Variants in KCTD1 observed in about 807,000 individuals in gnomAD.
KCTD1 encodes the protein BTB/POZ domain-containing protein KCTD1.
In KCTD1, 24 loss-of-function variants were observed where a neutral mutation model predicts 66.0. That is an observed-to-expected ratio of 0.36 (90% CI 0.26 to 0.51). The LOEUF is 0.51. KCTD1 is among the 20% of genes least tolerant of loss of function. The probability of loss-of-function intolerance (pLI) is 0.95; values close to 1 mark genes in which losing one functional copy is unlikely to be tolerated. For synonymous variants in KCTD1, 511 were observed against 517.2 expected (o/e 0.99, Z 0.16); for missense variants, 943 against 1,205.2 (o/e 0.78, Z 3.22).
rs1267251680 is a variant in KCTD1, at chr18:26,547,829, G to A, written c.708C>T (p.Asn236=). 5.2e-6 allele frequency: 8 copies of A among 1,540,966 alleles called. No individual in the cohort carries two copies. The highest frequency in any genetic ancestry group is 2.4e-5 in the East Asian group (1 of 40,898). ...SSLISIRSSL[N]RYLNEPPYCR... ...AGTACGGGGGCTCATTGAGGTAGCGGTTGAGGGAGCTGCGGATGCTGATGA... is the reference window on the plus strand; with the variant it reads ...AGTACGGGGGCTCATTGAGGTAGCGATTGAGGGAGCTGCGGATGCTGATGA... Residue 236 remains asparagine, a synonymous_variant, in exon 1 of 5, where the codon AAC becomes AAT. Coordinates refer to ENST00000580059, the MANE Select transcript of KCTD1 (RefSeq NM_001142730.3).
intron 1 of KCTD1, among the ~76,000 whole-genome samples, chr18:26,625,287 G>A (rs766335317): frequency 6.6e-5 from 10 of 152,082 alleles, no homozygotes; most frequent in Admixed American, 3.9e-4. Context: ...TGGCAGGGGC[G>A]GGGGAGGAAC....
intron 2 of KCTD1, among the ~76,000 whole-genome samples, chr18:26,491,779 C>T (rs561617466): frequency 6.6e-6 from 1 of 152,312 alleles, no homozygotes; most frequent in African/African-American, 2.4e-5. Context: ...AAGGTGAAGG[C>T]TGCCTTGAGA....
intron 1 of KCTD1, among the ~76,000 whole-genome samples, chr18:26,607,980 A>C (rs904182150): frequency 6.6e-6 from 1 of 152,166 alleles, no homozygotes; most frequent in African/African-American, 2.4e-5. Flanking sequence ...TATGTTGCCC[A>C]GACTGGTTTC....
intron 1 of KCTD1, among the ~76,000 whole-genome samples, chr18:26,584,330 T>C (rs1986424271): frequency 6.6e-6 from 1 of 152,212 alleles, no homozygotes; most frequent in Non-Finnish European, 1.5e-5. Flanking sequence ...GTAAAATATC[T>C]CACTAACAAT....
intron 2 of KCTD1, among the ~76,000 whole-genome samples, chr18:26,495,031 G>A (rs1982396435): frequency 6.6e-6 from 1 of 152,138 alleles, no homozygotes; most frequent in Non-Finnish European, 1.5e-5. Flanking sequence ...GTAGAGAGCA[G>A]GTTATAATAA....
intron 1 of KCTD1, chr18:26,543,475 A>G (rs1985069629): frequency 6.6e-6 from 1 of 152,268 alleles, no homozygotes; most frequent in South Asian, 2.1e-4. Flanking sequence ...AAGTAGATAC[A>G]TTAAATATTC....
Position 26,547,499 on chromosome 18 carries a change from G to C in KCTD1, c.1038C>G (p.Val346=). The C allele has an allele frequency of 6.4e-7, 1 of 1,551,574 alleles. No homozygotes were observed. The highest frequency in any genetic ancestry group is 8.7e-7 in the Non-Finnish European group (1 of 1,147,002). ...LAMDEDGRKF[V]YFKSLGPYHK... The stretch of plus-strand genomic sequence containing the variant: ...GGTAGGGCCCGAGGGACTTGAAGTA[G>C]ACGAACTTGCGACCGTCCTCGTCCA... Residue 346 remains valine, a synonymous_variant, in exon 1 of 5, where the codon GTC becomes GTG. Coordinates refer to ENST00000580059, the MANE Select transcript of KCTD1 (RefSeq NM_001142730.3).
chr18:26,514,033 A>G (rs1983496282), intron 1 of KCTD1, among the ~76,000 whole-genome samples: 1 of 152,210 alleles, frequency 6.6e-6, no homozygotes, highest in Non-Finnish European at 1.5e-5. Flanking sequence ...CTTGGGAAAG[A>G]TTCTTAGTGT....
At chr18:26,645,037 G>A (rs183641673), upstream of KCTD1, among the ~76,000 whole-genome samples, 105 of 152,278 alleles carry the variant, frequency 6.9e-4, no homozygotes, top group Middle Eastern at 3.4e-3. Flanking sequence ...CTTCCCTAAC[G>A]TGTATGTTCC....
chr18:26,575,039 A>G (rs2144905913), intron 1 of KCTD1, among the ~76,000 whole-genome samples: 1 of 152,314 alleles, frequency 6.6e-6, no homozygotes, highest in South Asian at 2.1e-4. Context: ...GTAACTTGGA[A>G]ATTAGCCCAC....
intron 2 of KCTD1, among the ~76,000 whole-genome samples, chr18:26,486,888 T>C (rs1430812386): frequency 6.6e-6 from 1 of 152,214 alleles, no homozygotes; most frequent in Non-Finnish European, 1.5e-5. Context: ...AAGAACAGTA[T>C]TTAAATCTTT....
chr18:26,513,414 C>T (rs1983457419), intron 1 of KCTD1, among the ~76,000 whole-genome samples: 1 of 152,018 alleles, frequency 6.6e-6, no homozygotes, highest in Non-Finnish European at 1.5e-5. Context: ...TTAAATAAGA[C>T]ATACCTATAT....
At chr18:26,491,009 T>A (rs1982170599) in intron 2 of KCTD1, among the ~76,000 whole-genome samples, 2 of 152,114 alleles carry the variant, frequency 1.3e-5, no homozygotes, top group African/African-American at 4.8e-5. Context: ...CACCTCGGCC[T>A]CCCAAAGTGC....
At chr18:26,467,350 C>T (rs111322941) in intron 3 of KCTD1, among the ~76,000 whole-genome samples, 1 of 151,964 alleles carries the variant, frequency 6.6e-6, no homozygotes, top group African/African-American at 2.4e-5. Flanking sequence ...GAGACCGTCT[C>T]TACAAAAAAT....
intron 1 of KCTD1, among the ~76,000 whole-genome samples, chr18:26,504,134 AAAGCTG>A (rs1201029977): frequency 3.3e-5 from 5 of 151,992 alleles, no homozygotes; most frequent in Admixed American, 1.3e-4. Context: ...TGGTGTGATC[AAAGCTG>A]CTCACTGCAG....
intron 1 of KCTD1, among the ~76,000 whole-genome samples, chr18:26,532,388 A>G (rs770891977): frequency 1.3e-5 from 2 of 150,158 alleles, no homozygotes; most frequent in Non-Finnish European, 2.9e-5. Flanking sequence ...TCCTGCCTCC[A>G]GGGTAGCTGG....
At chr18:26,495,611 G>A (rs1982431504) in intron 2 of KCTD1, among the ~76,000 whole-genome samples, 1 of 151,940 alleles carries the variant, frequency 6.6e-6, no homozygotes, top group African/African-American at 2.4e-5. Flanking sequence ...CTATTTAGAA[G>A]AGACCAATTT....
At chr18:26,556,100 T>C (rs778502664) in intron 1 of KCTD1, among the ~76,000 whole-genome samples, 7 of 152,248 alleles carry the variant, frequency 4.6e-5, no homozygotes, top group Non-Finnish European at 1.0e-4. Flanking sequence ...TGACTTACTT[T>C]TTCTTAGGAA....
chr18:26,626,756 C>T (rs1157306645), intron 1 of KCTD1, among the ~76,000 whole-genome samples: 2 of 151,994 alleles, frequency 1.3e-5, no homozygotes, highest in Non-Finnish European at 2.9e-5. Flanking sequence ...AATATAGACA[C>T]GAGTCCCTGT....
Sources: allele counts gnomAD v4.1 joint callset (sites outside exome capture counted in the v4.1 genomes callset), GRCh38; gene constraint gnomAD v4.1.1; transcripts MANE v1.5; gene names NCBI Gene and HGNC (gene_info 2026-07-23, HGNC 2026-07-21).